The following FLNB variants were observed in gnomAD, a reference collection of about 807,000 sequenced individuals.
FLNB encodes filamin-B.
Under a neutral mutation model 250.6 loss-of-function variants are expected in FLNB, and 111 were observed. That is an observed-to-expected ratio of 0.44 (90% confidence interval 0.38 to 0.52). The LOEUF (loss-of-function observed/expected upper bound fraction) is 0.52. FLNB is among the 20% of genes least tolerant of loss of function. The pLI is 0.00. For synonymous variants in FLNB, 1,302 were observed against 1,372.1 expected (o/e 0.95, Z 1.13); for missense variants, 2,869 against 3,447.8 (o/e 0.83, Z 4.20).
chr3:58,147,847 A>G (rs1354503076), intron 34 of FLNB, among the ~76,000 whole-genome samples: 6 of 152,142 alleles, frequency 3.9e-5, no homozygotes, highest in Non-Finnish European at 8.8e-5. Flanking sequence ...TTTAATAGAG[A>G]TGAAGTTTCA....
chr3:58,145,084 G>A (rs1007882419), intron 32 of FLNB, among the ~76,000 whole-genome samples: 1 of 152,198 alleles, frequency 6.6e-6, no homozygotes, highest in Non-Finnish European at 1.5e-5. Context: ...AAGCAAAAAT[G>A]TATTATCTGC....
At chr3:58,095,935 T>C (rs2097237651) in intron 5 of FLNB, among the ~76,000 whole-genome samples, 1 of 152,228 alleles carries the variant, frequency 6.6e-6, no homozygotes, top group Admixed American at 6.5e-5. Flanking sequence ...TGGAGAGTCC[T>C]GACTCTGTTA....
intron 1 of FLNB, among the ~76,000 whole-genome samples, chr3:58,055,312 G>A (rs1401628643): frequency 6.6e-6 from 1 of 151,936 alleles, no homozygotes; most frequent in Admixed American, 6.6e-5. Context: ...AAAGTTTGCT[G>A]ACCTCTTCTG....
intron 5 of FLNB, among the ~76,000 whole-genome samples, chr3:58,095,339 C>T (rs550257026): frequency 3.3e-5 from 5 of 152,264 alleles, no homozygotes; most frequent in Admixed American, 3.3e-4. Flanking sequence ...CTACTGGGTT[C>T]AGGCGATTCT....
intron 1 of FLNB, among the ~76,000 whole-genome samples, chr3:58,048,059 T>C (rs2097156784): frequency 6.6e-6 from 1 of 152,148 alleles, no homozygotes; most frequent in African/African-American, 2.4e-5. Flanking sequence ...TAATAACATC[T>C]TGTGTAAAAC....
At chr3:58,160,534 G>T (rs2097359693) in intron 42 of FLNB, among the ~76,000 whole-genome samples, 2 of 152,162 alleles carry the variant, frequency 1.3e-5, no homozygotes, top group Non-Finnish European at 2.9e-5. Flanking sequence ...TGGTAAAGAT[G>T]GTCAGAGCAG....
intron 8 of FLNB, among the ~76,000 whole-genome samples, chr3:58,100,371 A>ATATATATATATATATAT (rs1273706014): frequency 2.4e-4 from 6 of 25,250 alleles, no homozygotes; most frequent in African/African-American, 1.8e-3. Flanking sequence ...ATGTAAAAAA[A>ATATATATATATATATAT]AAATATATAT....
intron 14 of FLNB, 64 bp downstream of exon 14, chr3:58,109,386 A>G: frequency 6.3e-7 from 1 of 1,587,716 alleles, no homozygotes; most frequent in Non-Finnish European, 8.6e-7. Flanking sequence ...CAGGTCTGGG[A>G]TCCATGCCTG....
At chr3:58,119,546 T>C (rs1453857511) in intron 19 of FLNB, among the ~76,000 whole-genome samples, 4 of 152,192 alleles carry the variant, frequency 2.6e-5, no homozygotes, top group Non-Finnish European at 4.4e-5. Context: ...TTATTTTCAA[T>C]TTTCTGATTA....
At chr3:58,096,315 G>A (rs1039682211) in intron 6 of FLNB, 97 bp downstream of exon 6, 2 of 899,898 alleles carry the variant, frequency 2.2e-6, no homozygotes, top group African/African-American at 3.3e-5. Flanking sequence ...GTGAATTTCT[G>A]ATTTTCCTTT....
intron 43 of FLNB, among the ~76,000 whole-genome samples, chr3:58,167,760 CAG>C (rs1409795571): frequency 6.6e-6 from 1 of 152,270 alleles, no homozygotes; most frequent in African/African-American, 2.4e-5. Flanking sequence ...CCCTGAGCCG[CAG>C]AGTCATTTGT....
intron 41 of FLNB, 119 bp downstream of exon 41, chr3:58,156,194 A>G: frequency 1.3e-6 from 1 of 744,464 alleles, no homozygotes; most frequent in Non-Finnish European, 2.3e-6. Context: ...TTTTGACCAC[A>G]GATGTCACCC....
intron 38 of FLNB, chr3:58,150,532 A>ATCATGTCAG (rs2097343113): frequency 2.4e-6 from 1 of 413,886 alleles, no homozygotes; most frequent in Non-Finnish European, 4.5e-6. Context: ...GTCAAATAGA[A>ATCATGTCAG]TCATGTCAGT....
chr3:58,163,302 T>C lies in FLNB; in HGVS notation c.7170T>C (p.Tyr2390=). The part of the protein sequence containing the change: ...QAGNPALVSA[Y]GTGLEGGTTG... ...GGAACCCTGCCCTGGTGTCCGCCTA[T>C]GGCACGGGACTCGAAGGGGGCACCA... Residue 2390 remains tyrosine (Y), a synonymous_variant, in exon 43 of 46, where the codon TAT becomes TAC. Transcript: ENST00000295956. 1 of 1,614,208 alleles carries C rather than the reference T, an allele frequency of 6.2e-7. No homozygotes were observed. Among genetic ancestry groups the C allele is most frequent in the Non-Finnish European group, 8.5e-7 (1 of 1,180,034 alleles).
Position 58,124,514 on chromosome 3 carries a change from C to G in FLNB, c.3898+9C>G. On this transcript the variant is annotated intron_variant, in intron 22 of 45. Coordinates refer to ENST00000295956, the MANE Select transcript of FLNB (RefSeq NM_001457.4). ...CACACCCTTTGAGAAAGGTGAGCCG[C>G]CCTGTCCTCGGACTGGACCCTCGTT... 6.2e-7 allele frequency: 1 copy of G among 1,614,142 alleles called. No individual in the cohort carries two copies. The highest frequency in any genetic ancestry group is 1.3e-5 in the African/African-American group (1 of 75,074).
Position 58,104,056 on chromosome 3 carries a change from C to A in FLNB, c.1581C>A (p.Ile527=). ...CCCCGGGGAGATACAGCATTGCCAT[C>A]ACATGGGGGGGACACCACATTCCAA... The part of the protein sequence containing the change: ...PSTPGRYSIA[I]TWGGHHIPKS... The change falls in exon 10 of 46, where the codon ATC becomes ATA. Residue 527 remains isoleucine, a synonymous_variant. Transcript: ENST00000295956. 6.2e-7 allele frequency: 1 copy of A among 1,613,980 alleles called. No homozygotes were observed. The highest frequency in any genetic ancestry group is 8.5e-7 in the Non-Finnish European group (1 of 1,180,026).
intron 29 of FLNB, among the ~76,000 whole-genome samples, chr3:58,141,397 G>A (rs1427467705): frequency 2.0e-5 from 3 of 152,270 alleles, no homozygotes; most frequent in South Asian, 4.1e-4. Context: ...GGGTCACACC[G>A]TACATACTGC....
At position 58,134,665 on chromosome 3, in the gene FLNB, G is replaced by C. The variant is rs201509521; in HGVS notation, c.4564G>C (p.Ala1522Pro). 6.2e-7 allele frequency: 1 copy of C among 1,614,036 alleles called. No homozygotes were observed. ...LPTYDASKVTASGPGLSSYGV... is the reference protein window; with the variant it reads ...LPTYDASKVTPSGPGLSSYGV... ...CACATATGATGCCAGCAAAGTGACT[G>C]CCAGTGGCCCCGGCCTTAGTTCCTA... The change falls in exon 27 of 46, where the codon GCC becomes CCC. Residue 1522 changes from alanine to proline, a missense_variant. By Grantham distance (27) the Ala-to-Pro change is conservative (BLOSUM62 -1). This residue lies in a region of FLNB where 126 missense variants were observed against 182.0 expected (regional missense o/e 0.69). Coordinates refer to ENST00000295956, the MANE Select transcript of FLNB (RefSeq NM_001457.4).
intron 12 of FLNB, 44 bp from the exon 13 acceptor site, chr3:58,108,414 G>A (rs762367643): frequency 4.0e-6 from 5 of 1,249,232 alleles, no homozygotes; most frequent in South Asian, 1.2e-5. Context: ...GGGTTTAGTT[G>A]GGGCATTACA....
Sources: allele counts gnomAD v4.1 joint callset (sites outside exome capture counted in the v4.1 genomes callset), GRCh38; gene constraint gnomAD v4.1.1; regional missense constraint gnomAD v4.1.1; transcripts MANE v1.5; gene names NCBI Gene and HGNC (gene_info 2026-07-23, HGNC 2026-07-21).